Variants in NUP155 observed in about 807,000 individuals in gnomAD.
The protein encoded by NUP155 is nucleoporin 155, also known as nuclear pore complex protein Nup155.
A neutral mutation model predicts 180.4 loss-of-function variants in NUP155; 71 were observed. The observed-to-expected ratio is 0.39, with a 90% CI of 0.33 to 0.48. The LOEUF (loss-of-function observed/expected upper bound fraction) is 0.48, where lower values mean the gene tolerates loss of function less well. NUP155 is among the 20% of genes least tolerant of loss of function. NUP155 has a pLI of 0.91. For synonymous variants in NUP155, 582 were observed against 559.5 expected (o/e 1.04, Z -0.57); for missense variants, 1,553 against 1,648.9 (o/e 0.94, Z 1.01).
chr5:37,325,831 G>T, intron 19 of NUP155, 70 bp downstream of exon 19: 12 of 862,784 alleles, frequency 1.4e-5, no homozygotes, highest in Non-Finnish European at 1.9e-5. Flanking sequence ...CAGGAAATGT[G>T]AAACAATCTA....
chr5:37,365,742 T>TAA (rs1747533581), intron 1 of NUP155, among the ~76,000 whole-genome samples: 2 of 40,308 alleles, frequency 5.0e-5, no homozygotes, highest in Admixed American at 3.7e-4. Context: ...AAAAAAAATA[T>TAA]ATATATATAT....
chr5:37,351,009 C>T (rs1341862267), intron 6 of NUP155, among the ~76,000 whole-genome samples, 181 bp downstream of exon 6: 1 of 151,986 alleles, frequency 6.6e-6, no homozygotes, highest in East Asian at 1.9e-4. Context: ...TGACTTTTAC[C>T]TCTGAGGGCT....
chr5:37,333,909 C>A (rs754597205), intron 12 of NUP155, among the ~76,000 whole-genome samples: 1 of 151,448 alleles, frequency 6.6e-6, no homozygotes, highest in Non-Finnish European at 1.5e-5. Context: ...TCAAGTGATT[C>A]TCCTGCCTCA....
intron 12 of NUP155, among the ~76,000 whole-genome samples, chr5:37,337,289 T>G (rs369764118): frequency 2.0e-5 from 3 of 151,916 alleles, no homozygotes; most frequent in Non-Finnish European, 4.4e-5. Context: ...GAAAGAAAAA[T>G]GAAATACAAT....
intron 4 of NUP155, 105 bp from the exon 5 acceptor site, chr5:37,352,934 A>G: frequency 1.3e-6 from 1 of 749,878 alleles, no homozygotes. Flanking sequence ...TGGTATATGA[A>G]AAGTCTGGAT....
rs59572976 is a variant in NUP155, at chr5:37,308,875, C to CAAAA, written c.2767+250_2767+253dup. On this transcript the variant is annotated intron_variant, in intron 24 of 34. Coordinates refer to ENST00000231498, the MANE Select transcript of NUP155 (RefSeq NM_153485.3). ...AGCCTGGCTGACAGAGCGAGACTCTCAAAAAAAAAAAAAAAAAAAAAAAAA... is the reference window on the plus strand; with the variant it reads ...AGCCTGGCTGACAGAGCGAGACTCTCAAAAAAAAAAAAAAAAAAAAAAAAAAAAA... Among the ~76,000 whole-genome samples, 187 of 68,844 alleles carry CAAAA rather than the reference C, an allele frequency of 2.7e-3. 12 individuals are homozygous for CAAAA. Among genetic ancestry groups the CAAAA allele is most frequent in the African/African-American group, 0.011 (175 of 15,278 alleles). The allele number at this position is 68,844 out of a possible 152,430, so 45.2% of individuals were successfully genotyped here.
intron 4 of NUP155, among the ~76,000 whole-genome samples, chr5:37,357,722 G>A (rs549963625): frequency 1.1e-4 from 16 of 152,286 alleles, no homozygotes; most frequent in Non-Finnish European, 1.5e-4. Context: ...AGCCAGGCGC[G>A]GTGGCTTACA....
intron 7 of NUP155, among the ~76,000 whole-genome samples, 155 bp downstream of exon 7, chr5:37,350,005 C>G (rs189715113): frequency 3.0e-4 from 46 of 152,272 alleles, no homozygotes; most frequent in Non-Finnish European, 4.4e-5. Context: ...AGGTTATGAT[C>G]TCCTTACCCT....
At chr5:37,318,202 GCAAC>G (rs2150955495) in intron 20 of NUP155, 117 bp from the exon 21 acceptor site, 1 of 730,858 alleles carries the variant, frequency 1.4e-6, no homozygotes, top group East Asian at 2.7e-5. Context: ...AGAAGGTTGG[GCAAC>G]CAACACCAGA....
At chr5:37,311,532 A>G (rs1743524838) in intron 22 of NUP155, among the ~76,000 whole-genome samples, 1 of 152,190 alleles carries the variant, frequency 6.6e-6, no homozygotes, top group East Asian at 1.9e-4. Flanking sequence ...CACCAACAAA[A>G]GCCACACTAT....
chr5:37,359,865 T>C (rs372801966), intron 3 of NUP155, among the ~76,000 whole-genome samples: 2 of 152,122 alleles, frequency 1.3e-5, no homozygotes, highest in East Asian at 1.9e-4. Context: ...TATGTACAAA[T>C]AGGTAAAGTT....
intron 24 of NUP155, 30 bp downstream of exon 24, chr5:37,309,099 A>C: frequency 1.2e-6 from 2 of 1,609,032 alleles, no homozygotes; most frequent in Non-Finnish European, 1.7e-6. Flanking sequence ...TGAGTTGAGT[A>C]AAAGATACAA....
intron 8 of NUP155, 99 bp from the exon 9 acceptor site, chr5:37,348,695 TACA>T (rs1746262332): frequency 1.3e-6 from 1 of 772,832 alleles, no homozygotes. Context: ...TGGTATTTAA[TACA>T]AACATGAAAA....
chr5:37,298,681 C>G (rs185126924), intron 32 of NUP155, among the ~76,000 whole-genome samples, 187 bp downstream of exon 32: 76 of 152,316 alleles, frequency 5.0e-4, no homozygotes, highest in African/African-American at 1.6e-3. Context: ...CAGAAAGTTT[C>G]ATACTCAACT....
chr5:37,344,400 A>G (rs939131812), intron 9 of NUP155, among the ~76,000 whole-genome samples: 1 of 149,846 alleles, frequency 6.7e-6, no homozygotes, highest in Non-Finnish European at 1.5e-5. Context: ...TATAAACATC[A>G]TATATAAAAT....
At position 37,309,239 on chromosome 5, in the gene NUP155, TGTC is replaced by T; in HGVS notation, c.2654_2656del (p.Arg885del). 6.2e-7 allele frequency: 1 copy of T among 1,612,908 alleles called. No individual in the cohort carries two copies. Among genetic ancestry groups the T allele is most frequent in the Non-Finnish European group, 8.5e-7 (1 of 1,179,686 alleles). On this transcript the variant is annotated inframe_deletion, in exon 24 of 35. Coordinates refer to ENST00000231498, the MANE Select transcript of NUP155 (RefSeq NM_153485.3). ...TTCTTTTTCAGTCTTATTTTGAACT[TGTC>T]GGGAACGCTGGAGAAGCTCATTTGC...
chr5:37,313,455 G>C (rs1186403042), intron 22 of NUP155, among the ~76,000 whole-genome samples: 1 of 146,066 alleles, frequency 6.8e-6, no homozygotes, highest in Non-Finnish European at 1.5e-5. Context: ...AACATAAAAT[G>C]AAGTAGGAGT....
intron 4 of NUP155, among the ~76,000 whole-genome samples, chr5:37,355,254 T>A (rs958545406): frequency 6.6e-6 from 1 of 152,154 alleles, no homozygotes; most frequent in South Asian, 2.1e-4. Context: ...ACATCTGTAA[T>A]ACCAGGACTT....
chr5:37,338,634 T>C (rs929119629), intron 11 of NUP155, among the ~76,000 whole-genome samples: 8 of 152,110 alleles, frequency 5.3e-5, no homozygotes, highest in Non-Finnish European at 7.4e-5. Flanking sequence ...CTCGATCTCC[T>C]GACCTCGTGA....
Sources: allele counts gnomAD v4.1 joint callset (sites outside exome capture counted in the v4.1 genomes callset), GRCh38; gene constraint gnomAD v4.1.1; transcripts MANE v1.5; gene names NCBI Gene and HGNC (gene_info 2026-07-23, HGNC 2026-07-21).